The following FLACC1 variants were observed in gnomAD, a reference collection of about 807,000 sequenced individuals.
FLACC1 encodes the protein flagellum-associated coiled-coil domain-containing protein 1.
FLACC1 carries 66 observed loss-of-function variants against 62.8 expected under a neutral mutation model. The ratio of observed to expected loss-of-function variants is 1.05; its 90% confidence interval spans 0.86 to 1.29. FLACC1 has a LOEUF of 1.29. FLACC1 is among the 50% of genes most tolerant of loss of function. The probability of loss-of-function intolerance (pLI) is 0.00; values close to 1 mark genes in which losing one functional copy is unlikely to be tolerated. For synonymous variants in FLACC1, 156 were observed against 161.0 expected, an observed-to-expected ratio of 0.97 and a Z score of 0.24; for missense variants, 452 against 489.1, an observed-to-expected ratio of 0.92 and a Z score of 0.71.
intron 7 of FLACC1, among the ~76,000 whole-genome samples, chr2:201,334,827 T>A (rs1950662085): frequency 1.3e-5 from 2 of 151,984 alleles, no homozygotes; most frequent in South Asian, 4.2e-4. Context: ...TGAAAGTCCT[T>A]CCACCTCTTC....
intron 7 of FLACC1, among the ~76,000 whole-genome samples, chr2:201,340,759 G>A (rs184621518): frequency 7.2e-5 from 11 of 152,208 alleles, no homozygotes; most frequent in African/African-American, 2.2e-4. Context: ...TTCTGTTTCC[G>A]TTTTTAAAAC....
intron 12 of FLACC1, among the ~76,000 whole-genome samples, chr2:201,291,286 A>T (rs1023827823): frequency 5.9e-5 from 9 of 152,206 alleles, no homozygotes; most frequent in African/African-American, 2.2e-4. Flanking sequence ...CAGTAGGGGC[A>T]GACTGACACA....
At position 201,295,179 on chromosome 2, in the gene FLACC1, A is replaced by G. The variant is rs1576411143; in HGVS notation, c.942+4059T>C. Among the ~76,000 whole-genome samples, 3 of 152,290 alleles carry G rather than the reference A, an allele frequency of 2.0e-5. No homozygotes were observed. In the South Asian group the frequency reaches 6.2e-4, roughly 32 times the overall value. On this transcript the variant is annotated intron_variant, in intron 12 of 14. Coordinates refer to ENST00000392257, the MANE Select transcript of FLACC1 (RefSeq NM_001127391.3). Reference sequence around the variant, plus strand: ...AAAAACTACTTTAAAGTTCATCTGGAACCAAAAAAGAGCCCGCATTGCCAA... The same window carrying G: ...AAAAACTACTTTAAAGTTCATCTGGGACCAAAAAAGAGCCCGCATTGCCAA...
intron 9 of FLACC1, among the ~76,000 whole-genome samples, chr2:201,323,890 A>C (rs1229681044): frequency 2.0e-5 from 3 of 151,930 alleles, no homozygotes; most frequent in Non-Finnish European, 2.9e-5. Context: ...TACGCACCAA[A>C]ATAGAATCTC....
intron 9 of FLACC1, among the ~76,000 whole-genome samples, chr2:201,316,135 C>T (rs1950303940): frequency 6.6e-6 from 1 of 151,998 alleles, no homozygotes; most frequent in Non-Finnish European, 1.5e-5. Flanking sequence ...TATAAGGTCA[C>T]ACCTCAAGGA....
intron 7 of FLACC1, among the ~76,000 whole-genome samples, chr2:201,339,705 A>G (rs1950767236): frequency 6.6e-6 from 1 of 152,024 alleles, no homozygotes; most frequent in South Asian, 2.1e-4. Flanking sequence ...ATGCGTTTGT[A>G]TAGTTTCCAA....
chr2:201,351,276 C>A lies in FLACC1; in HGVS notation c.113+16G>T. ...CCCAAGGTCCCTGTGCCTACCCCAT[C>A]CCAGATAATTCTTACTTGGAACTCC... On this transcript the variant is annotated intron_variant, in intron 2 of 14. Coordinates refer to ENST00000392257, the MANE Select transcript of FLACC1 (RefSeq NM_001127391.3). 6.3e-7 allele frequency: 1 copy of A among 1,581,704 alleles called. No homozygotes were observed. The highest frequency in any genetic ancestry group is 8.7e-7 in the Non-Finnish European group (1 of 1,150,810).
chr2:201,308,936 G>C (rs1950158520), intron 10 of FLACC1, among the ~76,000 whole-genome samples: 1 of 152,182 alleles, frequency 6.6e-6, no homozygotes, highest in South Asian at 2.1e-4. Context: ...TACAGGCTTA[G>C]ACTCTCTTAG....
intron 9 of FLACC1, among the ~76,000 whole-genome samples, chr2:201,312,397 T>C (rs1250558484): frequency 2.6e-5 from 4 of 152,068 alleles, no homozygotes; most frequent in Non-Finnish European, 5.9e-5. Context: ...GAACTATAAA[T>C]TGCTGCTGAA....
At chr2:201,342,779 T>C (rs1251793273) in intron 6 of FLACC1, among the ~76,000 whole-genome samples, 1 of 152,254 alleles carries the variant, frequency 6.6e-6, no homozygotes, top group Non-Finnish European at 1.5e-5. Flanking sequence ...TGTAATCCAA[T>C]TGAGCAATCA....
chr2:201,288,720 T>C lies in FLACC1; in HGVS notation c.1204A>G (p.Ile402Val), dbSNP rs376511528. Residue 402 changes from isoleucine to valine, a missense_variant, in exon 15 of 15, where the codon ATT (isoleucine) becomes GTT (valine). By Grantham distance (29) the Ile-to-Val change is conservative. Coordinates refer to ENST00000392257, the MANE Select transcript of FLACC1 (RefSeq NM_001127391.3). ...CEGCSGRLAS[I>V]TVSKDDSDTV... ...TCAGAATCATCCTTAGAAACAGTAA[T>C]AGAGGCCAATCTCCCAGAACATCCT... The C allele has an allele frequency of 8.7e-6, 14 of 1,614,040 alleles. No individual in the cohort carries two copies. Among genetic ancestry groups the C allele is most frequent in the African/African-American group, 2.7e-5 (2 of 75,068 alleles).
At chr2:201,301,063 G>T (rs1172856906) in intron 11 of FLACC1, among the ~76,000 whole-genome samples, 1 of 152,168 alleles carries the variant, frequency 6.6e-6, no homozygotes, top group Non-Finnish European at 1.5e-5. Context: ...ATGGAACAAA[G>T]CTGGACAGAG....
chr2:201,355,958 T>C (rs1951109981), intron 1 of FLACC1, among the ~76,000 whole-genome samples: 1 of 152,156 alleles, frequency 6.6e-6, no homozygotes, highest in Admixed American at 6.5e-5. Context: ...AAGACAAGGC[T>C]ATTGAATAAT....
intron 12 of FLACC1, chr2:201,290,006 A>C: frequency 2.8e-6 from 2 of 706,432 alleles, no homozygotes; most frequent in Non-Finnish European, 2.3e-6. Context: ...AATGGCAATC[A>C]GTTATTCATT....
Position 201,288,703 on chromosome 2 carries a change from A to G in FLACC1, c.1221T>C (p.Asp407=). 6.2e-7 allele frequency: 1 copy of G among 1,614,128 alleles called. No individual in the cohort carries two copies. Among genetic ancestry groups the G allele is most frequent in the Non-Finnish European group, 8.5e-7 (1 of 1,180,016 alleles). ...TACCATCTTGCACAGTGTCAGAATC[A>G]TCCTTAGAAACAGTAATAGAGGCCA... ...GRLASITVSK[D]DSDTVQDGSK... is the part of the protein sequence containing the mutation. Residue 407 remains aspartate, a synonymous_variant, in exon 15 of 15, where the codon GAT becomes GAC. Transcript: ENST00000392257.
intron 9 of FLACC1, among the ~76,000 whole-genome samples, chr2:201,327,669 G>A (rs1373589751): frequency 6.6e-6 from 1 of 152,112 alleles, no homozygotes; most frequent in Admixed American, 6.5e-5. Flanking sequence ...AATATATTTT[G>A]GTGTGGATGT....
intron 9 of FLACC1, among the ~76,000 whole-genome samples, chr2:201,321,847 T>C (rs550136417): frequency 6.6e-6 from 1 of 152,222 alleles, no homozygotes; most frequent in African/African-American, 2.4e-5. Flanking sequence ...GCCACCTCTG[T>C]CAAGGCTGAG....
At position 201,330,598 on chromosome 2, in the gene FLACC1, C is replaced by T. The variant is rs1044334110; in HGVS notation, c.623-76G>A. The T allele has an allele frequency of 2.8e-5, 44 of 1,549,378 alleles. No individual in the cohort carries two copies. The African/African-American group carries it at 5.6e-4, about 20-fold the overall frequency. On this transcript the variant is annotated intron_variant, in intron 8 of 14. Transcript: ENST00000392257. Reference sequence around the variant, plus strand: ...TTTTCAAATTCAAATGTGAGTTCTTCTGCACACCTTCCCCACCCCAAACTC... The same window carrying T: ...TTTTCAAATTCAAATGTGAGTTCTTTTGCACACCTTCCCCACCCCAAACTC...
At chr2:201,330,898 C>A in intron 7 of FLACC1, 65 bp from the exon 8 acceptor site, 2 of 1,319,904 alleles carry the variant, frequency 1.5e-6, no homozygotes, top group Middle Eastern at 2.5e-4. Flanking sequence ...AGCTGTTACC[C>A]TGATCTGATC....
Sources: gnomAD v4.1 joint callset for allele counts (sites outside exome capture counted in the v4.1 genomes callset) on GRCh38, gnomAD v4.1.1 for gene constraint, MANE v1.5 for transcripts, NCBI Gene and HGNC (gene_info 2026-07-23, HGNC 2026-07-21) for gene names.